The following RTL4 variants were observed in gnomAD, a reference collection of about 807,000 sequenced individuals.
The protein encoded by RTL4 is retrotransposon Gag-like protein 4.
Under a neutral mutation model 5.3 loss-of-function variants are expected in RTL4, and 4 were observed. The ratio of observed to expected loss-of-function variants is 0.75; its 90% CI spans 0.37 to 1.72. RTL4 has a LOEUF of 1.72. Ranked by LOEUF, RTL4 falls within the 40% of genes most tolerant of loss-of-function variation. The pLI is 0.04. For synonymous variants in RTL4, 98 were observed against 87.3 expected (o/e 1.12, Z -0.68); for missense variants, 260 against 227.1 (o/e 1.14, Z -0.93).
At chrX:112,376,684 A>G in the RTL4 span, among the ~76,000 whole-genome samples, 3 of 111,411 alleles carry the variant, frequency 2.7e-5, no homozygotes, top group African/African-American at 6.5e-5. Context: ...AAGCCTCAAT[A>G]CTAGTTTTGC....
At chrX:112,161,827 TCC>T in the RTL4 span, among the ~76,000 whole-genome samples, 262 of 43,575 alleles carry the variant, frequency 6.0e-3, 2 homozygotes, top group Non-Finnish European at 7.0e-3. Flanking sequence ...CTTCCTTCCT[TCC>T]TTCCTTCCTT....
the RTL4 span, among the ~76,000 whole-genome samples, chrX:112,410,199 A>C: frequency 1.8e-5 from 2 of 112,208 alleles, no homozygotes; most frequent in Non-Finnish European, 3.8e-5. Context: ...ATGTATATGC[A>C]CCCAACACTG....
chrX:112,304,525 CG>C, the RTL4 span, among the ~76,000 whole-genome samples: 2 of 110,389 alleles, frequency 1.8e-5, no homozygotes, highest in Admixed American at 9.7e-5. Flanking sequence ...AAGAAATTTC[CG>C]GGAACCGTGT....
chrX:112,358,168 A>G, the RTL4 span, among the ~76,000 whole-genome samples: 3 of 110,016 alleles, frequency 2.7e-5, no homozygotes, highest in South Asian at 3.8e-4. Context: ...TGGCATGATC[A>G]CAGCTGACTG....
chrX:112,294,026 C>G, the RTL4 span, among the ~76,000 whole-genome samples: 1 of 111,721 alleles, frequency 9.0e-6, no homozygotes, highest in Non-Finnish European at 1.9e-5. Context: ...TAAATAAAAC[C>G]TGTCTAGAAG....
the RTL4 span, among the ~76,000 whole-genome samples, chrX:112,168,721 C>T: frequency 3.6e-5 from 4 of 111,945 alleles, no homozygotes; most frequent in African/African-American, 6.5e-5. Flanking sequence ...CTCTCAGTTC[C>T]GGGAATTGCC....
the RTL4 span, among the ~76,000 whole-genome samples, chrX:112,357,458 G>C: frequency 4.5e-5 from 5 of 111,570 alleles, no homozygotes; most frequent in Non-Finnish European, 9.4e-5. Flanking sequence ...AACCAGAAAA[G>C]AAGATGTTGG....
chrX:112,134,542 C>T, the RTL4 span, among the ~76,000 whole-genome samples: 2 of 111,929 alleles, frequency 1.8e-5, no homozygotes, highest in Non-Finnish European at 3.8e-5. Context: ...TCCCATAGTA[C>T]TTTTAAAAAA....
the RTL4 span, among the ~76,000 whole-genome samples, chrX:112,160,159 G>C: frequency 4.5e-5 from 5 of 112,334 alleles, no homozygotes; most frequent in Admixed American, 3.8e-4. Flanking sequence ...TTGCCTATCA[G>C]TATGAGTTAA....
At chrX:112,276,925 G>C in the RTL4 span, among the ~76,000 whole-genome samples, 1 of 111,933 alleles carries the variant, frequency 8.9e-6, no homozygotes. Flanking sequence ...TTGTGATATG[G>C]AAATGAATAA....
the RTL4 span, among the ~76,000 whole-genome samples, chrX:112,386,209 C>G: frequency 1.8e-5 from 2 of 111,524 alleles, no homozygotes; most frequent in Non-Finnish European, 1.9e-5. Context: ...GGGTAAATGG[C>G]GTGTCCATTA....
the RTL4 span, among the ~76,000 whole-genome samples, chrX:112,117,670 C>T: frequency 2.5e-4 from 28 of 111,371 alleles, no homozygotes; most frequent in African/African-American, 9.1e-4. Flanking sequence ...CTAAAGAGAA[C>T]AGCAGTATGT....
At chrX:112,335,387 C>T in the RTL4 span, among the ~76,000 whole-genome samples, 1 of 111,507 alleles carries the variant, frequency 9.0e-6, no homozygotes, top group Non-Finnish European at 1.9e-5. Context: ...CAAACAAAAA[C>T]ACCAAACTTT....
the RTL4 span, among the ~76,000 whole-genome samples, chrX:112,122,979 T>C: frequency 8.9e-6 from 1 of 111,774 alleles, no homozygotes; most frequent in Non-Finnish European, 1.9e-5. Flanking sequence ...AAAGTCAGTA[T>C]ATTTTTCTTT....
the RTL4 span, among the ~76,000 whole-genome samples, chrX:112,328,131 G>A: frequency 4.6e-5 from 5 of 108,572 alleles, no homozygotes; most frequent in Non-Finnish European, 9.5e-5. Context: ...ACATCATAAT[G>A]ACAGGATCAA....
At chrX:112,375,848 G>A in the RTL4 span, among the ~76,000 whole-genome samples, 1 of 111,557 alleles carries the variant, frequency 9.0e-6, no homozygotes, top group Non-Finnish European at 1.9e-5. Flanking sequence ...CACTAAAATG[G>A]CAGAACTGAG....
At chrX:112,444,980 ATTG>A in the RTL4 span, among the ~76,000 whole-genome samples, 1 of 111,292 alleles carries the variant, frequency 9.0e-6, no homozygotes, top group African/African-American at 3.3e-5. Flanking sequence ...GATGTTTTGT[ATTG>A]TTGTTTTCTT....
At chrX:112,304,870 TTA>T in the RTL4 span, among the ~76,000 whole-genome samples, 25 of 108,270 alleles carry the variant, frequency 2.3e-4, no homozygotes, top group African/African-American at 8.3e-4. Context: ...CTCTCTTTCC[TTA>T]TCTTTCCTCT....
the RTL4 span, among the ~76,000 whole-genome samples, chrX:112,198,057 G>A: frequency 0.016 from 1,738 of 111,460 alleles, 37 homozygotes; most frequent in African/African-American, 0.053. Flanking sequence ...TGAGCATCTG[G>A]TGGGAGATTA....
Sources: gnomAD v4.1 joint callset for allele counts (sites outside exome capture counted in the v4.1 genomes callset) on GRCh38, gnomAD v4.1.1 for gene constraint, MANE v1.5 for transcripts, NCBI Gene and HGNC (gene_info 2026-07-23, HGNC 2026-07-21) for gene names.